The following FAM131B variants were observed in gnomAD, a reference collection of about 807,000 sequenced individuals.
FAM131B encodes the protein family with sequence similarity 131 member B, also known as protein FAM131B.
A neutral mutation model predicts 42.0 loss-of-function variants in FAM131B; 19 were observed. The observed-to-expected ratio is 0.45, with a 90% confidence interval of 0.32 to 0.66. The LOEUF (loss-of-function observed/expected upper bound fraction) is 0.66. FAM131B is among the 30% of genes least tolerant of loss of function. FAM131B has a pLI of 0.05. For missense variants in FAM131B, 370 were observed against 468.4 expected, an observed-to-expected ratio of 0.79 and a Z score of 1.94; for synonymous variants, 183 against 177.6, an observed-to-expected ratio of 1.03 and a Z score of -0.24.
the FAM131B span, among the ~76,000 whole-genome samples, chr7:143,377,506 G>A: frequency 6.6e-6 from 1 of 152,066 alleles, no homozygotes; most frequent in Non-Finnish European, 1.5e-5. Context: ...CTGAGGAGAA[G>A]TGATGGAATA....
rs964458047 is a variant in FAM131B at position 143,353,759 on chromosome 7, C to G, written c.*2791G>C. ...AACTCATTCCCCAAGATACCCTCTT[C>G]AACACAAGGACAAGAAGGAAGGTGT... is the stretch of plus-strand genomic sequence containing the variant. On this transcript the variant is annotated 3_prime_UTR_variant, in exon 7 of 7. Coordinates refer to ENST00000443739, the MANE Select transcript of FAM131B (RefSeq NM_001031690.3). 1.3e-5 allele frequency: 2 copies of G among 151,712 alleles called. No homozygotes were observed. Among genetic ancestry groups the G allele is most frequent in the African/African-American group, 4.9e-5 (2 of 41,024 alleles). 9.4% of individuals were successfully genotyped at this position (151,712 alleles called of 1,614,324 possible). A position where few individuals can be genotyped will look rare whatever the true frequency, so the allele number is the denominator to read the frequency against.
chr7:143,371,613 C>CAAAAAAAAAAAAAAAAA, the FAM131B span, among the ~76,000 whole-genome samples: 1 of 75,024 alleles, frequency 1.3e-5, no homozygotes, highest in African/African-American at 5.0e-5. Flanking sequence ...GACCCTGTCT[C>CAAAAAAAAAAAAAAAAA]AAAAAAAAAA....
At chr7:143,364,127 C>G (rs772097873), upstream of FAM131B, 2 of 152,022 alleles carry the variant, frequency 1.3e-5, no homozygotes, top group Admixed American at 1.3e-4. Flanking sequence ...TAGTGTAGTT[C>G]GTGGCAGGGT....
At position 143,354,030 on chromosome 7, in the gene FAM131B, C is replaced by T. The variant is rs546083512; in HGVS notation, c.*2520G>A. 6.2e-4 allele frequency: 94 copies of T among 152,370 alleles called. No individual in the cohort carries two copies. Among genetic ancestry groups the T allele is most frequent in the Middle Eastern group, 3.4e-3 (1 of 294 alleles). The allele number at this position is 152,370 out of a possible 1,614,324, so 9.4% of individuals were successfully genotyped here. ...CGAAACAGCCTCTTCCTGCACATGC[C>T]CCTCCCCACCCCCTGAAATAGACGA... On this transcript the variant is annotated 3_prime_UTR_variant, in exon 7 of 7. Coordinates refer to ENST00000443739, the MANE Select transcript of FAM131B (RefSeq NM_001031690.3).
upstream of FAM131B, among the ~76,000 whole-genome samples, chr7:143,365,420 G>A (rs1804158960): frequency 6.6e-6 from 1 of 152,198 alleles, no homozygotes; most frequent in East Asian, 1.9e-4. Context: ...ACTTTAAAGT[G>A]CAAATATCAA....
At chr7:143,372,492 G>A in the FAM131B span, among the ~76,000 whole-genome samples, 30 of 152,340 alleles carry the variant, frequency 2.0e-4, no homozygotes, top group African/African-American at 6.5e-4. Context: ...AATTAGGATT[G>A]TACAGAGATG....
chr7:143,380,232 T>TAAAAAAAA, the FAM131B span: 1 of 948,756 alleles, frequency 1.1e-6, no homozygotes, highest in Non-Finnish European at 1.2e-6. This position sits in a 1 kb window ranked among gnomAD's most constrained non-coding sequence, Gnocchi z 5.0. Context: ...CCAGTGCAAT[T>TAAAAAAAA]AAAAAAAAAA....
rs1397483124 is a variant in FAM131B, at chr7:143,354,833, G to C, written c.*1717C>G. ...TTGCATCCCAGAAGTGTGAGTAAGA[G>C]AGTATGAACTTGATGGCGGGACAGG... On this transcript the variant is annotated 3_prime_UTR_variant, in exon 7 of 7. Transcript: ENST00000443739. 2 of 152,288 alleles carry C rather than the reference G, an allele frequency of 1.3e-5. No individual in the cohort carries two copies. Among genetic ancestry groups the C allele is most frequent in the Admixed American group, 1.3e-4 (2 of 15,276 alleles). The allele number at this position is 152,288 out of a possible 1,614,324, so 9.4% of individuals were successfully genotyped here. A position where few individuals can be genotyped will look rare whatever the true frequency, so the allele number is the denominator to read the frequency against.
At position 143,360,156 on chromosome 7, in the gene FAM131B, G is replaced by A. The variant is rs1421754554; in HGVS notation, c.29-7C>T. 2 of 1,602,878 alleles carry A rather than the reference G, an allele frequency of 1.2e-6. No individual in the cohort carries two copies. Among genetic ancestry groups the A allele is most frequent in the Admixed American group, 3.4e-5 (2 of 58,928 alleles). ...ACTGCAATCACCTCATTCCCTGAGG[G>A]GGCCAGAAGGTTAGCCGCCGGCCCT... On this transcript the variant is annotated splice_polypyrimidine_tract_variant and splice_region_variant and intron_variant, in intron 1 of 6. Transcript: ENST00000443739.
chr7:143,369,573 G>A, the FAM131B span, among the ~76,000 whole-genome samples: 1 of 151,864 alleles, frequency 6.6e-6, no homozygotes, highest in East Asian at 1.9e-4. Context: ...TACTCGGGAG[G>A]CTGAGGCAGG....
chr7:143,358,517 G>A lies in FAM131B; in HGVS notation c.466+310C>T, dbSNP rs1391290764. On this transcript the variant is annotated intron_variant, in intron 5 of 6. Transcript: ENST00000443739. This position sits in a 1 kb window ranked among gnomAD's most constrained non-coding sequence, Gnocchi z 4.7. ...GCCTTTCTTTCTTTCAAAGACCAAG[G>A]TCTCCCCATTTTTTTCCCTGCACTT... Among the ~76,000 whole-genome samples, 1 of 152,138 alleles carries A rather than the reference G, an allele frequency of 6.6e-6. No homozygotes were observed. Among genetic ancestry groups the A allele is most frequent in the South Asian group, 2.1e-4 (1 of 4,826 alleles).
At position 143,356,756 on chromosome 7, in the gene FAM131B, C is replaced by G. The variant is rs537589173; in HGVS notation, c.877G>C (p.Ala293Pro). The G allele has an allele frequency of 1.9e-6, 3 of 1,614,130 alleles. No homozygotes were observed. The highest frequency in any genetic ancestry group is 2.5e-6 in the Non-Finnish European group (3 of 1,180,028). The change falls in exon 7 of 7, where the codon GCA becomes CCA. Residue 293 changes from alanine (A) to proline (P), a missense_variant. Physicochemically the swap from Ala to Pro is conservative, Grantham distance 27. Coordinates refer to ENST00000443739, the MANE Select transcript of FAM131B (RefSeq NM_001031690.3). This position sits in a 1 kb window ranked among gnomAD's most constrained non-coding sequence, Gnocchi z 4.4. ...GDTDWAPGVG[A>P]VDLARGPAEE... ...GCAGGGCCCCTTGCCAGGTCCACTG[C>G]GCCTACCCCCGGAGCCCAGTCAGTG...
At chr7:143,373,167 G>A in the FAM131B span, among the ~76,000 whole-genome samples, 5 of 151,956 alleles carry the variant, frequency 3.3e-5, no homozygotes, top group African/African-American at 1.2e-4. Flanking sequence ...TGGATCACTT[G>A]AGGTCAGGAG....
the FAM131B span, among the ~76,000 whole-genome samples, chr7:143,372,092 G>A: frequency 6.6e-6 from 1 of 152,246 alleles, no homozygotes; most frequent in Non-Finnish European, 1.5e-5. Context: ...GTCAGAGTGG[G>A]AGAGTGGATG....
Position 143,356,632 on chromosome 7 carries a change from G to A in FAM131B, c.1001C>T (p.Thr334Ile), listed in dbSNP as rs746252347. Reference sequence around the variant, plus strand: ...GTCAGACACCTTCCGGCTGAGAGCGGTAGACATCTCAGGGTCTTCTCGTGG... The same window carrying A: ...GTCAGACACCTTCCGGCTGAGAGCGATAGACATCTCAGGGTCTTCTCGTGG... ...LSPREDPEMS[T>I]ALSRKVSDVT... Residue 334 changes from threonine to isoleucine, a missense_variant, in exon 7 of 7, where the codon ACC (threonine) becomes ATC (isoleucine). Thr to Ile is a moderately conservative substitution (Grantham distance 89). Coordinates refer to ENST00000443739, the MANE Select transcript of FAM131B (RefSeq NM_001031690.3). The surrounding 1 kb of genome is among the most constrained non-coding windows in gnomAD (Gnocchi z 4.4). 35 of 1,613,940 alleles carry A rather than the reference G, an allele frequency of 2.2e-5. 1 individual carries two copies. Among genetic ancestry groups the A allele is most frequent in the Non-Finnish European group, 2.7e-5 (32 of 1,180,000 alleles).
intron 6 of FAM131B, 37 bp downstream of exon 6, chr7:143,357,243 A>AT (rs769612026): frequency 1.4e-5 from 22 of 1,608,142 alleles, no homozygotes; most frequent in Non-Finnish European, 1.9e-5. Context: ...GGGAGGCCTC[A>AT]TAGGCTCCAG....
At chr7:143,364,936 C>G (rs1271114743), upstream of FAM131B, among the ~76,000 whole-genome samples, 1 of 152,130 alleles carries the variant, frequency 6.6e-6, no homozygotes, top group Non-Finnish European at 1.5e-5. Flanking sequence ...AAGCTGGGGT[C>G]CCCAGGAATA....
chr7:143,380,226 T>C, the FAM131B span: 30 of 952,058 alleles, frequency 3.2e-5, no homozygotes, highest in Non-Finnish European at 3.2e-5. The surrounding 1 kb of genome is among the most constrained non-coding windows in gnomAD (Gnocchi z 5.0). Context: ...AGTTTCCCAG[T>C]GCAATTAAAA....
chr7:143,381,224 C>T, the FAM131B span: 2 of 1,008,852 alleles, frequency 2.0e-6, no homozygotes, highest in South Asian at 4.6e-5. Flanking sequence ...CTCCCCGCCC[C>T]CTCTCCGGGC....
Sources: gnomAD v4.1 joint callset for allele counts (sites outside exome capture counted in the v4.1 genomes callset) on GRCh38, gnomAD v4.1.1 for gene constraint, Gnocchi (gnomAD v3.1) non-coding constraint, MANE v1.5 for transcripts, NCBI Gene and HGNC (gene_info 2026-07-23, HGNC 2026-07-21) for gene names.